Variants in FHIT observed in about 807,000 individuals in gnomAD.
FHIT encodes the protein bis(5'-adenosyl)-triphosphatase.
In FHIT, 19 loss-of-function variants were observed where a neutral mutation model predicts 17.9. The observed-to-expected ratio is 1.06, with a 90% CI of 0.74 to 1.56. The LOEUF (loss-of-function observed/expected upper bound fraction) is 1.56. Ranked by LOEUF, FHIT falls within the 40% of genes most tolerant of loss-of-function variation. The pLI, the probability that FHIT is intolerant of heterozygous loss-of-function variation, is 0.00. For missense variants in FHIT, 248 were observed against 189.2 expected (o/e 1.31, Z -1.82); for synonymous variants, 81 against 69.7 (o/e 1.16, Z -0.81).
intron 5 of FHIT, among the ~76,000 whole-genome samples, chr3:60,193,810 G>T (rs901694789): frequency 4.6e-5 from 7 of 152,136 alleles, no homozygotes; most frequent in African/African-American, 1.7e-4. Context: ...AGAACATGGG[G>T]GCAGGAAAGG....
intron 4 of FHIT, among the ~76,000 whole-genome samples, chr3:60,662,597 T>C (rs1050711848): frequency 6.6e-5 from 10 of 152,140 alleles, no homozygotes; most frequent in African/African-American, 2.4e-4. Flanking sequence ...GGTATTTTGA[T>C]GAAAATTGAC....
rs575526887 is a variant in FHIT at position 59,765,115 on chromosome 3, T to C, written c.349-12794A>G. On this transcript the variant is annotated intron_variant, in intron 8 of 9. Transcript: ENST00000492590. ...AGAGATACACAAAGCTGAAATATTA[T>C]AGAGAGTTATAACTTCATGAATGAA... 1.2e-4 allele frequency among the ~76,000 whole-genome samples: 18 copies of C among 152,310 alleles called. 1 individual carries two copies. The highest frequency in any genetic ancestry group is 1.5e-4 in the Non-Finnish European group (10 of 68,034).
chr3:60,414,658 C>A, intron 5 of FHIT, among the ~76,000 whole-genome samples: 1 of 152,094 alleles, frequency 6.6e-6, no homozygotes, highest in Non-Finnish European at 1.5e-5. Flanking sequence ...ATCCAAAGAA[C>A]CTGATGTTAT....
intron 8 of FHIT, among the ~76,000 whole-genome samples, chr3:59,825,236 G>A (rs1358018119): frequency 6.6e-6 from 1 of 152,106 alleles, no homozygotes; most frequent in Non-Finnish European, 1.5e-5. Flanking sequence ...TCTCCAGATG[G>A]ATTTTCTATG....
At chr3:60,236,499 CTG>C (rs1332372221) in intron 5 of FHIT, among the ~76,000 whole-genome samples, 4 of 152,148 alleles carry the variant, frequency 2.6e-5, no homozygotes, top group South Asian at 4.1e-4. Flanking sequence ...GTCTTAAACA[CTG>C]TTAAAATTTC....
intron 5 of FHIT, among the ~76,000 whole-genome samples, chr3:60,191,179 G>A (rs972891099): frequency 1.3e-5 from 2 of 152,144 alleles, no homozygotes; most frequent in East Asian, 3.8e-4. Flanking sequence ...AAACAGCACA[G>A]TGGTGTATAC....
chr3:60,242,878 C>T (rs576766050), intron 5 of FHIT, among the ~76,000 whole-genome samples: 173 of 151,970 alleles, frequency 1.1e-3, no homozygotes, highest in African/African-American at 4.0e-3. Context: ...TGAACATCTC[C>T]CCAAGCTTCT....
chr3:60,692,063 T>C (rs2041004418), intron 4 of FHIT, among the ~76,000 whole-genome samples: 1 of 152,208 alleles, frequency 6.6e-6, no homozygotes, highest in South Asian at 2.1e-4. Context: ...GACATGTTGG[T>C]TTACAAAACT....
At chr3:60,438,800 C>T (rs1458672323) in intron 5 of FHIT, among the ~76,000 whole-genome samples, 1 of 152,106 alleles carries the variant, frequency 6.6e-6, no homozygotes, top group East Asian at 1.9e-4. Flanking sequence ...CCTTTGAGAA[C>T]ATAATGATGT....
At chr3:60,895,569 CTCTATTATTTCTT>C (rs1705748481) in intron 3 of FHIT, among the ~76,000 whole-genome samples, 1 of 152,096 alleles carries the variant, frequency 6.6e-6, no homozygotes, top group African/African-American at 2.4e-5. Context: ...ATTTTTCTAA[CTCTATTATTTCTT>C]TCACAGCAAT....
chr3:59,899,296 G>A (rs1019667505), intron 8 of FHIT, among the ~76,000 whole-genome samples: 4 of 152,220 alleles, frequency 2.6e-5, no homozygotes, highest in African/African-American at 9.6e-5. Flanking sequence ...GATCTCATCT[G>A]AGCAGGCAGA....
chr3:60,880,239 GA>G (rs1486657122), intron 3 of FHIT, among the ~76,000 whole-genome samples: 4 of 152,024 alleles, frequency 2.6e-5, no homozygotes, highest in Non-Finnish European at 2.9e-5. Context: ...AGTACTGAAG[GA>G]AAAAAACTGT....
intron 8 of FHIT, among the ~76,000 whole-genome samples, chr3:59,842,118 T>C (rs537220213): frequency 4.6e-5 from 7 of 152,266 alleles, no homozygotes; most frequent in Non-Finnish European, 8.8e-5. Context: ...TCCATGAGGG[T>C]TGACAAATCT....
At position 60,167,206 on chromosome 3, in the gene FHIT, A is replaced by G. The variant is rs552552142; in HGVS notation, c.104-153054T>C. On this transcript the variant is annotated intron_variant, in intron 5 of 9. Coordinates refer to ENST00000492590, the MANE Select transcript of FHIT (RefSeq NM_002012.4). The stretch of plus-strand genomic sequence containing the variant: ...TACTTGTGGAAATAAAGTGCCATAC[A>G]CAGTCAAGTGTTTTGTGAATGTCAC... 2.0e-5 allele frequency among the ~76,000 whole-genome samples: 3 copies of G among 152,316 alleles called. No individual in the cohort carries two copies. The East Asian group carries it at 5.8e-4, about 29-fold the overall frequency.
At chr3:60,220,377 A>G (rs779193535) in intron 5 of FHIT, among the ~76,000 whole-genome samples, 12 of 152,126 alleles carry the variant, frequency 7.9e-5, no homozygotes, top group Non-Finnish European at 1.6e-4. Flanking sequence ...GGCAAGCCCA[A>G]AGGGTTATTA....
At chr3:60,175,366 G>A (rs1701622196) in intron 5 of FHIT, among the ~76,000 whole-genome samples, 1 of 152,110 alleles carries the variant, frequency 6.6e-6, no homozygotes, top group South Asian at 2.1e-4. Context: ...CTATTAGCCT[G>A]GAAATGATGA....
chr3:60,124,005 TATATAGAGAGAGAGAGAGAGAGAG>T (rs1705402844), intron 5 of FHIT, among the ~76,000 whole-genome samples: 1 of 20,920 alleles, frequency 4.8e-5, no homozygotes, highest in African/African-American at 2.0e-4. Context: ...TATATATATA[TATATAGAGAGAGAGAGAGAGAGAG>T]AGAGAGAGAG....
intron 8 of FHIT, among the ~76,000 whole-genome samples, chr3:59,807,245 G>C (rs2107019597): frequency 6.6e-6 from 1 of 152,318 alleles, no homozygotes; most frequent in East Asian, 1.9e-4. Context: ...TCTTCCATCT[G>C]GAGCCCCAAA....
chr3:59,806,832 A>T (rs1371304387), intron 8 of FHIT, among the ~76,000 whole-genome samples: 3 of 152,114 alleles, frequency 2.0e-5, no homozygotes, highest in Non-Finnish European at 4.4e-5. Context: ...AACAATGAGA[A>T]CAACAAAATC....
Sources: gnomAD v4.1 joint callset for allele counts (sites outside exome capture counted in the v4.1 genomes callset) on GRCh38, gnomAD v4.1.1 for gene constraint, MANE v1.5 for transcripts, NCBI Gene and HGNC (gene_info 2026-07-23, HGNC 2026-07-21) for gene names.